Variants in ADGRG2 observed in about 807,000 individuals in gnomAD.
ADGRG2 encodes the protein G protein-coupled receptor 64.
Under a neutral mutation model 74.1 loss-of-function variants are expected in ADGRG2, and 26 were observed. The observed-to-expected ratio is 0.35, with a 90% CI of 0.26 to 0.49. The LOEUF is 0.49. Among genes scored for constraint, ADGRG2 ranks in the 20% least tolerant of loss-of-function variants. The pLI, the probability that ADGRG2 is intolerant of heterozygous loss-of-function variation, is 0.99. For missense variants in ADGRG2, 619 were observed against 763.1 expected (o/e 0.81, Z 2.22); for synonymous variants, 296 against 295.2 (o/e 1.00, Z -0.03).
chrX:19,009,130 G>A (rs1016491406), intron 18 of ADGRG2, among the ~76,000 whole-genome samples: 12 of 109,919 alleles, frequency 1.1e-4, no homozygotes, highest in Non-Finnish European at 2.1e-4. Flanking sequence ...AAGGGTTAAC[G>A]CAAGGTGTAA....
intron 1 of ADGRG2, among the ~76,000 whole-genome samples, chrX:19,103,269 C>T (rs143462552): frequency 1.8e-5 from 2 of 111,549 alleles, no homozygotes; most frequent in Non-Finnish European, 3.8e-5. Flanking sequence ...AGCGCCATGA[C>T]GGTTTACAAA....
intron 26 of ADGRG2, 69 bp downstream of exon 26, chrX:18,998,927 T>C (rs1418953881): frequency 5.5e-6 from 5 of 908,159 alleles, no homozygotes; most frequent in Non-Finnish European, 6.2e-6. Flanking sequence ...ATGCCTGTAC[T>C]CTTTTAGTAG....
chrX:19,007,311 G>A lies in ADGRG2; in HGVS notation c.1613C>T (p.Ser538Leu). Residue 538 changes from serine (S) to leucine (L), a missense_variant, in exon 20 of 29, where the codon TCG becomes TTG. By Grantham distance (145) the Ser-to-Leu change is moderately radical. Coordinates refer to ENST00000379869, the MANE Select transcript of ADGRG2 (RefSeq NM_001079858.3). ...CCTGACGGTCAGGTTTGCAACACTC[G>A]ATGATATGACGTAGCTGATCAGAGA... is the stretch of plus-strand genomic sequence containing the variant. ...NLSLISYVIS[S>L]SVANLTVRNL... 1 of 1,205,884 alleles carries A rather than the reference G, an allele frequency of 8.3e-7. No individual in the cohort carries two copies. Among genetic ancestry groups the A allele is most frequent in the Non-Finnish European group, 1.1e-6 (1 of 890,145 alleles).
chrX:19,039,428 T>G (rs1481636996), intron 4 of ADGRG2: 1 of 288,121 alleles, frequency 3.5e-6, no homozygotes, highest in Non-Finnish European at 6.7e-6. Context: ...AGAAGCTCAT[T>G]TGCACACAAC....
intron 1 of ADGRG2, among the ~76,000 whole-genome samples, chrX:19,086,775 A>T (rs2061941658): frequency 8.9e-6 from 1 of 111,761 alleles, no homozygotes; most frequent in South Asian, 3.8e-4. Context: ...CAGAACCATG[A>T]CATACAGCAT....
rs73445628 is a variant in ADGRG2 at position 19,039,066 on chromosome X, C to T, written c.154+1123G>A. On this transcript the variant is annotated intron_variant, in intron 4 of 28. Transcript: ENST00000379869. ...GCCTGGCACATATGTTATCTCATTCCGTCTTCACAACTACCCGACAACAGC... is the reference window on the plus strand; with the variant it reads ...GCCTGGCACATATGTTATCTCATTCTGTCTTCACAACTACCCGACAACAGC... Among the ~76,000 whole-genome samples the T allele has an allele frequency of 5.7e-3, 632 of 111,521 alleles. 4 individuals are homozygous for T. Among genetic ancestry groups the T allele is most frequent in the African/African-American group, 0.02 (600 of 30,682 alleles).
At chrX:18,997,074 C>T (rs1484503094) in intron 26 of ADGRG2, among the ~76,000 whole-genome samples, 2 of 111,154 alleles carry the variant, frequency 1.8e-5, no homozygotes, top group African/African-American at 3.3e-5. Flanking sequence ...GGTGACAGAG[C>T]GAGACTCCAT....
chrX:19,015,829 T>C (rs2060457079), intron 15 of ADGRG2, among the ~76,000 whole-genome samples: 1 of 112,522 alleles, frequency 8.9e-6, no homozygotes, highest in Admixed American at 9.4e-5. Context: ...AACTGTACAC[T>C]GTAGCAACCC....
intron 3 of ADGRG2, among the ~76,000 whole-genome samples, chrX:19,053,905 GA>G (rs1465666513): frequency 1.8e-5 from 2 of 111,449 alleles, no homozygotes; most frequent in Non-Finnish European, 3.8e-5. Context: ...GTGAAAGGGG[GA>G]AATCTCTTAT....
chrX:19,021,822 A>G (rs2034291824), intron 13 of ADGRG2, among the ~76,000 whole-genome samples: 1 of 109,349 alleles, frequency 9.1e-6, no homozygotes, highest in South Asian at 4.1e-4. Flanking sequence ...TAATTTTTGT[A>G]TTTTCATTAG....
intron 2 of ADGRG2, among the ~76,000 whole-genome samples, chrX:19,080,889 G>A (rs976205544): frequency 3.7e-5 from 4 of 108,886 alleles, no homozygotes; most frequent in Admixed American, 2.0e-4. Flanking sequence ...ATACACTCCA[G>A]TACAAACTGT....
At chrX:19,116,347 C>T (rs2062514080) in intron 1 of ADGRG2, among the ~76,000 whole-genome samples, 1 of 106,789 alleles carries the variant, frequency 9.4e-6, no homozygotes, top group South Asian at 4.2e-4. Context: ...CCCGACTCTA[C>T]TAAAAATATA....
intron 1 of ADGRG2, among the ~76,000 whole-genome samples, chrX:19,108,088 C>T (rs2062344567): frequency 1.2e-5 from 1 of 85,102 alleles, no homozygotes; most frequent in Non-Finnish European, 2.2e-5. Flanking sequence ...GCCTGGGTGA[C>T]AGTGAGACTC....
At chrX:18,997,321 A>G in intron 26 of ADGRG2, among the ~76,000 whole-genome samples, 1 of 112,203 alleles carries the variant, frequency 8.9e-6, no homozygotes, top group Non-Finnish European at 1.9e-5. Context: ...TAGATGAAAC[A>G]ATACATTCAT....
chrX:19,023,768 T>TA (rs1007887011), intron 12 of ADGRG2, 141 bp downstream of exon 12: 2 of 474,696 alleles, frequency 4.2e-6, no homozygotes, highest in Non-Finnish European at 7.4e-6. Context: ...ATTTTTGGAA[T>TA]AAAAAAACTA....
Position 18,998,979 on chromosome X carries a change from G to C in ADGRG2, c.2614+17C>G. 1 of 1,143,465 alleles carries C rather than the reference G, an allele frequency of 8.7e-7. No homozygotes were observed. The highest frequency in any genetic ancestry group is 1.2e-6 in the Non-Finnish European group (1 of 844,725). 94.2% of individuals were successfully genotyped at this position (1,143,465 alleles called of 1,213,427 possible). A position where few individuals can be genotyped will look rare whatever the true frequency, so the allele number is the denominator to read the frequency against. ...AACTGGGATCATTCAGTTTGTATTT[G>C]ATGCTGTAAAGCTTACCTTGTAAGG... On this transcript the variant is annotated intron_variant, in intron 26 of 28. Coordinates refer to ENST00000379869, the MANE Select transcript of ADGRG2 (RefSeq NM_001079858.3).
At chrX:19,052,695 CT>C (rs972667269) in intron 3 of ADGRG2, among the ~76,000 whole-genome samples, 5 of 103,775 alleles carry the variant, frequency 4.8e-5, no homozygotes, top group East Asian at 3.0e-4. Context: ...CCATCTTAAC[CT>C]TTTTTTTTTC....
intron 7 of ADGRG2, 66 bp from the exon 8 acceptor site, chrX:19,033,720 G>T: frequency 1.9e-6 from 1 of 519,157 alleles, no homozygotes; most frequent in Admixed American, 3.1e-5. Context: ...AATTTGCCAT[G>T]AGTATCATTT....
chrX:19,018,460 A>G (rs902425153), intron 15 of ADGRG2, among the ~76,000 whole-genome samples: 4 of 111,185 alleles, frequency 3.6e-5, no homozygotes, highest in African/African-American at 1.3e-4. Context: ...TCCCAGGCCA[A>G]TTAAATCAGA....
Sources: gnomAD v4.1 joint callset for allele counts (sites outside exome capture counted in the v4.1 genomes callset) on GRCh38, gnomAD v4.1.1 for gene constraint, MANE v1.5 for transcripts, NCBI Gene and HGNC (gene_info 2026-07-23, HGNC 2026-07-21) for gene names.